AGBL4: variants seen among roughly 807,000 people sequenced by gnomAD.
AGBL4 encodes the protein AGBL carboxypeptidase 4, also known as cytosolic carboxypeptidase 6.
AGBL4 carries 58 observed loss-of-function variants against 66.4 expected under a neutral mutation model. The observed-to-expected ratio is 0.87, with a 90% CI of 0.71 to 1.09. AGBL4 has a LOEUF of 1.09. Ranked by LOEUF, AGBL4 falls within the 50% of genes least tolerant of loss-of-function variation. The pLI, the probability that AGBL4 is intolerant of heterozygous loss-of-function variation, is 0.00. For synonymous variants in AGBL4, 234 were observed against 222.9 expected, an observed-to-expected ratio of 1.05 and a Z score of -0.44; for missense variants, 579 against 631.0, an observed-to-expected ratio of 0.92 and a Z score of 0.88.
chr1:49,233,355 C>A (rs1035379441), intron 4 of AGBL4, among the ~76,000 whole-genome samples: 1 of 152,028 alleles, frequency 6.6e-6, no homozygotes, highest in Non-Finnish European at 1.5e-5. Flanking sequence ...TGATTTATAA[C>A]CAAAAAGATC....
At chr1:48,980,470 T>C (rs999079147) in intron 5 of AGBL4, among the ~76,000 whole-genome samples, 1 of 151,656 alleles carries the variant, frequency 6.6e-6, no homozygotes, top group African/African-American at 2.4e-5. Flanking sequence ...AATCATAGAG[T>C]TATAGATTTA....
At chr1:49,640,833 A>AT (rs750560920) in intron 3 of AGBL4, among the ~76,000 whole-genome samples, 16 of 152,182 alleles carry the variant, frequency 1.1e-4, no homozygotes, top group Non-Finnish European at 2.1e-4. Flanking sequence ...AATCTAGTGC[A>AT]TAACACCAGA....
At chr1:49,663,746 A>T (rs1464957096) in intron 3 of AGBL4, among the ~76,000 whole-genome samples, 2 of 152,102 alleles carry the variant, frequency 1.3e-5, no homozygotes, top group Non-Finnish European at 2.9e-5. Flanking sequence ...TGAAAAAAAT[A>T]ATTTGGTACC....
intron 3 of AGBL4, among the ~76,000 whole-genome samples, chr1:49,656,055 G>A (rs768762516): frequency 6.6e-6 from 1 of 151,990 alleles, no homozygotes; most frequent in Non-Finnish European, 1.5e-5. Context: ...GCTGAGGCAG[G>A]AGAATAGCTT....
intron 6 of AGBL4, among the ~76,000 whole-genome samples, chr1:48,758,514 T>C (rs1322525933): frequency 6.6e-6 from 1 of 152,244 alleles, no homozygotes; most frequent in Admixed American, 6.5e-5. Flanking sequence ...ACTTTCTGAC[T>C]TAAACTAATA....
intron 1 of AGBL4, among the ~76,000 whole-genome samples, chr1:49,933,721 G>T (rs1011984618): frequency 6.6e-6 from 1 of 151,898 alleles, no homozygotes; most frequent in Non-Finnish European, 1.5e-5. Flanking sequence ...ACAAACTATT[G>T]TAACTACAGA....
At chr1:48,696,256 C>T (rs775797958) in intron 6 of AGBL4, among the ~76,000 whole-genome samples, 3 of 152,180 alleles carry the variant, frequency 2.0e-5, no homozygotes, top group Admixed American at 1.3e-4. Context: ...CAAGAGGCCA[C>T]GTGAGCAATC....
intron 3 of AGBL4, among the ~76,000 whole-genome samples, chr1:49,657,142 A>C (rs1242959948): frequency 6.6e-6 from 1 of 152,212 alleles, no homozygotes; most frequent in Non-Finnish European, 1.5e-5. Flanking sequence ...TTAAGATGAT[A>C]AGCAGCTTCA....
At chr1:49,099,413 C>T (rs1165236196) in intron 4 of AGBL4, among the ~76,000 whole-genome samples, 1 of 152,106 alleles carries the variant, frequency 6.6e-6, no homozygotes, top group Non-Finnish European at 1.5e-5. Context: ...GGTTCTCATT[C>T]CAGCTCTGTC....
At chr1:48,815,699 A>T (rs1007707703) in intron 6 of AGBL4, among the ~76,000 whole-genome samples, 3 of 152,222 alleles carry the variant, frequency 2.0e-5, no homozygotes, top group African/African-American at 7.2e-5. Flanking sequence ...GAAAGATAGC[A>T]GTTAGTAATA....
chr1:49,655,135 G>A (rs1327773898), intron 3 of AGBL4, among the ~76,000 whole-genome samples: 1 of 152,122 alleles, frequency 6.6e-6, no homozygotes, highest in Admixed American at 6.6e-5. Flanking sequence ...GCCTGGTGGT[G>A]ACAAAATCTC....
intron 6 of AGBL4, among the ~76,000 whole-genome samples, chr1:48,861,153 C>T (rs1198315402): frequency 1.3e-5 from 2 of 152,044 alleles, no homozygotes; most frequent in East Asian, 1.9e-4. Context: ...CTAGACTAGA[C>T]ATGGTCAAAA....
chr1:49,813,363 T>C (rs1472485732), intron 2 of AGBL4, among the ~76,000 whole-genome samples: 1 of 152,138 alleles, frequency 6.6e-6, no homozygotes, highest in Non-Finnish European at 1.5e-5. Flanking sequence ...ACTCTCCTGC[T>C]ATAAACTCTG....
intron 3 of AGBL4, among the ~76,000 whole-genome samples, chr1:49,478,034 A>G (rs1318932836): frequency 6.6e-6 from 1 of 151,692 alleles, no homozygotes; most frequent in African/African-American, 2.4e-5. Context: ...AAAAATTTTA[A>G]AAAAGAATTA....
At chr1:48,710,848 G>A (rs1249102638) in intron 6 of AGBL4, among the ~76,000 whole-genome samples, 1 of 152,116 alleles carries the variant, frequency 6.6e-6, no homozygotes, top group Non-Finnish European at 1.5e-5. Flanking sequence ...AGGACATAAG[G>A]CAGCTCTTTG....
intron 6 of AGBL4, among the ~76,000 whole-genome samples, chr1:48,810,492 T>G (rs929701944): frequency 1.3e-5 from 2 of 152,198 alleles, no homozygotes; most frequent in African/African-American, 4.8e-5. Context: ...TCAATCCCAG[T>G]CTACCATTGA....
chr1:49,834,007 G>A (rs960190971), intron 2 of AGBL4, among the ~76,000 whole-genome samples: 6 of 152,024 alleles, frequency 3.9e-5, no homozygotes, highest in Non-Finnish European at 7.4e-5. Flanking sequence ...GAGGATTTTC[G>A]CATCGATGTT....
chr1:49,377,579 T>G (rs1175987950), intron 3 of AGBL4, among the ~76,000 whole-genome samples: 1 of 152,156 alleles, frequency 6.6e-6, no homozygotes, highest in East Asian at 1.9e-4. Flanking sequence ...TTATCCTACA[T>G]GCAAGCTAGC....
At chr1:48,737,475 T>G (rs1649257686) in intron 6 of AGBL4, among the ~76,000 whole-genome samples, 2 of 152,138 alleles carry the variant, frequency 1.3e-5, no homozygotes, top group South Asian at 4.1e-4. Context: ...GCCAGTCCTT[T>G]CCCACCTCTG....
Sources: allele counts gnomAD v4.1 joint callset (sites outside exome capture counted in the v4.1 genomes callset), GRCh38; gene constraint gnomAD v4.1.1; transcripts MANE v1.5; gene names NCBI Gene and HGNC (gene_info 2026-07-23, HGNC 2026-07-21).